Variants in C4orf51 observed in about 807,000 individuals in gnomAD.
C4orf51 encodes uncharacterized protein C4orf51.
A neutral mutation model predicts 25.2 loss-of-function variants in C4orf51; 25 were observed. That is an observed-to-expected ratio of 0.99 (90% CI 0.72 to 1.39). C4orf51 has a LOEUF of 1.39. C4orf51 is among the 40% of genes most tolerant of loss of function. The pLI, the probability that C4orf51 is intolerant of heterozygous loss-of-function variation, is 0.00. For missense variants in C4orf51, 252 were observed against 239.6 expected, an observed-to-expected ratio of 1.05 and a Z score of -0.34; for synonymous variants, 100 against 84.5, an observed-to-expected ratio of 1.18 and a Z score of -1.01.
the C4orf51 span, among the ~76,000 whole-genome samples, chr4:145,781,393 G>A: frequency 6.6e-6 from 1 of 152,028 alleles, no homozygotes; most frequent in East Asian, 1.9e-4. Flanking sequence ...TGCCAGATAG[G>A]GAAGAAGAAA....
chr4:145,729,297 ATTTTTTTTT>A lies in C4orf51; in HGVS notation c.427+84_427+92del, dbSNP rs547075220. The A allele has an allele frequency of 6.1e-5, 18 of 292,892 alleles. No homozygotes were observed. In the Admixed American group the frequency reaches 8.0e-4, roughly 13 times the overall value. The allele number at this position is 292,892 out of a possible 1,614,324, so 18.1% of individuals were successfully genotyped here. A position where few individuals can be genotyped will look rare whatever the true frequency, so the allele number is the denominator to read the frequency against. Reference sequence around the variant, plus strand: ...CCTTTATTTTAATCGTGGTCATGTGATTTTTTTTTTTTTTTTTTTTTTTTGAGATGGAGT... The same window carrying A: ...CCTTTATTTTAATCGTGGTCATGTGATTTTTTTTTTTTTTTGAGATGGAGT... On this transcript the variant is annotated intron_variant, in intron 4 of 5. Transcript: ENST00000438731.
intron 2 of C4orf51, among the ~76,000 whole-genome samples, chr4:145,707,250 C>CT (rs1012387882): frequency 3.4e-4 from 52 of 152,266 alleles, no homozygotes; most frequent in African/African-American, 1.2e-3. Flanking sequence ...ATATAAGATA[C>CT]TTTTTTATAT....
chr4:145,748,679 G>T (rs1395106277), intron 1 of C4orf51, among the ~76,000 whole-genome samples: 2 of 152,040 alleles, frequency 1.3e-5, no homozygotes, highest in African/African-American at 4.8e-5. Context: ...CTATGTATTT[G>T]TATAGTTTCC....
chr4:145,696,512 A>T (rs754927529), intron 1 of C4orf51, 47 bp from the exon 2 acceptor site: 1 of 1,457,338 alleles, frequency 6.9e-7, no homozygotes, highest in South Asian at 1.1e-5. Context: ...CATGTGATTT[A>T]TAAATCCATA....
At chr4:145,744,745 C>T (rs1243425877) in intron 1 of C4orf51, among the ~76,000 whole-genome samples, 2 of 151,648 alleles carry the variant, frequency 1.3e-5, no homozygotes, top group Non-Finnish European at 2.9e-5. Context: ...CCCAGCTACT[C>T]GGGAGGCTGA....
chr4:145,775,639 G>T, downstream of C4orf51: 1 of 956,164 alleles, frequency 1.0e-6, no homozygotes, highest in Non-Finnish European at 1.6e-6. Context: ...CAACTGCAGG[G>T]CTCAATCTGA....
intron 1 of C4orf51, among the ~76,000 whole-genome samples, chr4:145,684,182 T>C (rs1246417447): frequency 2.6e-5 from 4 of 152,054 alleles, no homozygotes; most frequent in Admixed American, 2.0e-4. Context: ...CAAATAAGCA[T>C]GTAAAAAGAT....
chr4:145,715,938 A>G (rs1365150475), intron 2 of C4orf51, among the ~76,000 whole-genome samples: 1 of 152,154 alleles, frequency 6.6e-6, no homozygotes, highest in Admixed American at 6.5e-5. Context: ...GGGTGATATA[A>G]TCTGAGCTTT....
chr4:145,720,877 G>A (rs547041453), intron 2 of C4orf51, among the ~76,000 whole-genome samples: 2 of 152,244 alleles, frequency 1.3e-5, no homozygotes, highest in East Asian at 3.9e-4. Context: ...GACCTTGATA[G>A]CCACAGCTGC....
At chr4:145,760,835 G>A (rs546723275) in intron 1 of C4orf51, 4 of 1,205,082 alleles carry the variant, frequency 3.3e-6, no homozygotes, top group Admixed American at 3.3e-5. Context: ...GAGTGTTTGG[G>A]TGAGGGGATG....
At chr4:145,684,405 C>T (rs1729016600) in intron 1 of C4orf51, among the ~76,000 whole-genome samples, 1 of 152,122 alleles carries the variant, frequency 6.6e-6, no homozygotes, top group Non-Finnish European at 1.5e-5. Context: ...TGGCGTGAAC[C>T]CAGGAGGCGG....
chr4:145,740,325 A>AAAG (rs59313797), intron 1 of C4orf51, among the ~76,000 whole-genome samples: 117,461 of 149,634 alleles, frequency 0.78, 46,681 homozygotes, highest in Non-Finnish European at 0.86. Context: ...GCATTTTACA[A>AAAG]AAGAACTATG....
chr4:145,705,801 G>A (rs1730772822), intron 2 of C4orf51, among the ~76,000 whole-genome samples: 1 of 152,152 alleles, frequency 6.6e-6, no homozygotes, highest in African/African-American at 2.4e-5. Flanking sequence ...AGAGGAAACA[G>A]ATAGGATTAT....
chr4:145,708,121 G>C (rs549848522), intron 2 of C4orf51, among the ~76,000 whole-genome samples: 9 of 152,344 alleles, frequency 5.9e-5, no homozygotes, highest in African/African-American at 2.2e-4. Context: ...GGGCAACCTG[G>C]AGGGGGCTAG....
At position 145,732,516 on chromosome 4, in the gene C4orf51, T is replaced by C. The variant is rs1732533305; in HGVS notation, c.565T>C (p.Tyr189His). Residue 189 changes from tyrosine to histidine, a missense_variant, in exon 6 of 6, where the codon TAC becomes CAC. Transcript: ENST00000438731. ...ATCTGAGGATTCAGAAGCTGATCGA[T>C]ACTCCGATTATGGCTGGGGAGGACC... ...CSSEDSEADRYSDYGWGGPSS... is the reference protein window; with the variant it reads ...CSSEDSEADRHSDYGWGGPSS... 26 of 1,611,270 alleles carry C rather than the reference T, an allele frequency of 1.6e-5. No homozygotes were observed. Among genetic ancestry groups the C allele is most frequent in the Non-Finnish European group, 2.2e-5 (26 of 1,179,060 alleles).
At chr4:145,685,514 G>A (rs925712997) in intron 1 of C4orf51, among the ~76,000 whole-genome samples, 2 of 152,222 alleles carry the variant, frequency 1.3e-5, no homozygotes. Context: ...GTGTGTGTGA[G>A]AGGGTCGTGC....
rs541009191 is a variant in C4orf51 at position 145,689,579 on chromosome 4, A to G, written c.234-6980A>G. Among the ~76,000 whole-genome samples the G allele has an allele frequency of 6.6e-5, 10 of 152,302 alleles. No homozygotes were observed. The South Asian group carries it at 2.1e-3, about 32-fold the overall frequency. On this transcript the variant is annotated intron_variant, in intron 1 of 5. Coordinates refer to ENST00000438731, the MANE Select transcript of C4orf51 (RefSeq NM_001080531.3). ...CCAAAGGTGCTCAACCACGTTAGGAATCATAAAATGCAAATTAAAACCACA... is the reference window on the plus strand; with the variant it reads ...CCAAAGGTGCTCAACCACGTTAGGAGTCATAAAATGCAAATTAAAACCACA...
downstream of C4orf51, among the ~76,000 whole-genome samples, chr4:145,735,495 G>T (rs543290811): frequency 2.6e-4 from 40 of 152,270 alleles, no homozygotes; most frequent in African/African-American, 9.6e-4. Context: ...GGTGGGAGGG[G>T]TTGGAATTTG....
chr4:145,736,540 G>A (rs1229769496), downstream of C4orf51, among the ~76,000 whole-genome samples: 2 of 152,154 alleles, frequency 1.3e-5, no homozygotes, highest in Non-Finnish European at 2.9e-5. Flanking sequence ...CTGTGGAGCA[G>A]GGAGGGCCTT....
Sources: gnomAD v4.1 joint callset for allele counts (sites outside exome capture counted in the v4.1 genomes callset) on GRCh38, gnomAD v4.1.1 for gene constraint, MANE v1.5 for transcripts, NCBI Gene and HGNC (gene_info 2026-07-23, HGNC 2026-07-21) for gene names.